The following SRBD1 variants were observed in gnomAD, a reference collection of about 807,000 sequenced individuals.
SRBD1 encodes the protein S1 RNA-binding domain-containing protein 1.
SRBD1 carries 88 observed loss-of-function variants against 115.3 expected under a neutral mutation model. That is an observed-to-expected ratio of 0.76 (90% CI 0.64 to 0.91). The LOEUF (loss-of-function observed/expected upper bound fraction) is 0.91, where lower values mean the gene tolerates loss of function less well. Ranked by LOEUF, SRBD1 falls within the 40% of genes least tolerant of loss-of-function variation. SRBD1 has a pLI of 0.00. For synonymous variants in SRBD1, 509 were observed against 407.7 expected, an observed-to-expected ratio of 1.25 and a Z score of -2.99; for missense variants, 1,385 against 1,177.4, an observed-to-expected ratio of 1.18 and a Z score of -2.58.
chr2:45,413,835 G>A (rs1667678091), intron 18 of SRBD1, among the ~76,000 whole-genome samples: 1 of 152,054 alleles, frequency 6.6e-6, no homozygotes, highest in Admixed American at 6.6e-5. Context: ...GGGAGGCTGA[G>A]GCAGGAGAAT....
chr2:45,410,875 C>T (rs1454081426), intron 19 of SRBD1, among the ~76,000 whole-genome samples: 1 of 152,146 alleles, frequency 6.6e-6, no homozygotes, highest in Admixed American at 6.5e-5. Flanking sequence ...GTAGAAGTTC[C>T]ATATCCTTTC....
intron 17 of SRBD1, among the ~76,000 whole-genome samples, 191 bp from the exon 18 acceptor site, chr2:45,418,732 G>C (rs753428917): frequency 6.7e-6 from 1 of 148,544 alleles, no homozygotes; most frequent in Non-Finnish European, 1.5e-5. Flanking sequence ...GAGGAAAGAA[G>C]GACAACAGAA....
At chr2:45,392,905 T>A in intron 20 of SRBD1, 40 bp downstream of exon 20, 1 of 1,547,062 alleles carries the variant, frequency 6.5e-7, no homozygotes, top group Non-Finnish European at 8.8e-7. Context: ...ATGGGAGCTA[T>A]GCAAATGCAA....
At chr2:45,578,008 G>A (rs1673231872) in intron 7 of SRBD1, among the ~76,000 whole-genome samples, 1 of 152,142 alleles carries the variant, frequency 6.6e-6, no homozygotes, top group African/African-American at 2.4e-5. Flanking sequence ...AGTGTCCATT[G>A]TCATATATTC....
At chr2:45,587,011 A>AATT (rs1457733094) in intron 4 of SRBD1, among the ~76,000 whole-genome samples, 1 of 112,396 alleles carries the variant, frequency 8.9e-6, no homozygotes, top group Non-Finnish European at 1.8e-5. Flanking sequence ...AATTATTTTA[A>AATT]ATTATAAATA....
At chr2:45,554,774 T>C (rs961808281) in intron 10 of SRBD1, among the ~76,000 whole-genome samples, 1 of 152,072 alleles carries the variant, frequency 6.6e-6, no homozygotes, top group African/African-American at 2.4e-5. Flanking sequence ...GTCAGCTCAC[T>C]CTCTGACCTG....
intron 14 of SRBD1, among the ~76,000 whole-genome samples, chr2:45,532,220 C>T (rs1671635346): frequency 6.6e-6 from 1 of 151,794 alleles, no homozygotes. Context: ...AAAACAACTG[C>T]TTTAAATTTC....
At chr2:45,517,406 T>TA (rs1671153118) in intron 14 of SRBD1, among the ~76,000 whole-genome samples, 1 of 152,144 alleles carries the variant, frequency 6.6e-6, no homozygotes, top group African/African-American at 2.4e-5. Context: ...CAAAGAAGAC[T>TA]AAAAAACAAG....
intron 14 of SRBD1, among the ~76,000 whole-genome samples, chr2:45,542,783 A>T (rs1671988346): frequency 6.6e-6 from 1 of 152,210 alleles, no homozygotes; most frequent in Non-Finnish European, 1.5e-5. Context: ...AGTAGCAAAA[A>T]ACTAGCAACA....
chr2:45,554,989 C>T (rs1672427786), intron 10 of SRBD1, among the ~76,000 whole-genome samples: 1 of 152,170 alleles, frequency 6.6e-6, no homozygotes, highest in Admixed American at 6.5e-5. Flanking sequence ...GAAGCTGACT[C>T]ACCAAACAGT....
chr2:45,585,337 A>C (rs867845346), intron 5 of SRBD1, among the ~76,000 whole-genome samples: 7 of 152,306 alleles, frequency 4.6e-5, no homozygotes, highest in African/African-American at 1.7e-4. Flanking sequence ...CATTATGCCC[A>C]ACCTTTTCTA....
At position 45,553,508 on chromosome 2, in the gene SRBD1, G is replaced by A. The variant is rs894864523; in HGVS notation, c.1517+115C>T. 6.0e-5 allele frequency: 35 copies of A among 582,898 alleles called. No homozygotes were observed. In the Admixed American group the frequency reaches 1.3e-3, roughly 21 times the overall value. 36.1% of individuals were successfully genotyped at this position (582,898 alleles called of 1,614,324 possible). ...CTTAACTTTAACACTTTGTGATGCT[G>A]ACTAAATTCTTTCGATTGGTTAATC... is the stretch of plus-strand genomic sequence containing the variant. On this transcript the variant is annotated intron_variant, in intron 11 of 20. Transcript: ENST00000263736.
chr2:45,463,663 A>T lies in SRBD1; in HGVS notation c.2049+13330T>A, dbSNP rs567143221. Among the ~76,000 whole-genome samples, 60 of 152,346 alleles carry T rather than the reference A, an allele frequency of 3.9e-4. 1 individual carries two copies. Among genetic ancestry groups the T allele is most frequent in the South Asian group, 1.7e-3 (8 of 4,832 alleles). On this transcript the variant is annotated intron_variant, in intron 16 of 20. Coordinates refer to ENST00000263736, the MANE Select transcript of SRBD1 (RefSeq NM_018079.5). Reference sequence around the variant, plus strand: ...TTCCATGAGTAAAGTTAAACATTACATCCAAGATTGTTAGTGTGCCAAATG... The same window carrying T: ...TTCCATGAGTAAAGTTAAACATTACTTCCAAGATTGTTAGTGTGCCAAATG...
intron 18 of SRBD1, among the ~76,000 whole-genome samples, chr2:45,413,771 TAA>T (rs753369724): frequency 6.6e-6 from 1 of 151,754 alleles, no homozygotes; most frequent in African/African-American, 2.4e-5. Context: ...GTACCAAAAA[TAA>T]AAAAATTAGC....
At chr2:45,441,739 C>T (rs1456522181) in intron 16 of SRBD1, among the ~76,000 whole-genome samples, 1 of 152,190 alleles carries the variant, frequency 6.6e-6, no homozygotes, top group East Asian at 1.9e-4. Context: ...ATACTGGTGA[C>T]GTGGCATTGC....
At chr2:45,592,902 C>T (rs1487206328) in intron 4 of SRBD1, among the ~76,000 whole-genome samples, 5 of 152,208 alleles carry the variant, frequency 3.3e-5, no homozygotes, top group Non-Finnish European at 5.9e-5. Context: ...GGTTTAATAA[C>T]GTGTGTTTGA....
At chr2:45,576,708 C>T (rs1429688886) in intron 7 of SRBD1, among the ~76,000 whole-genome samples, 2 of 152,174 alleles carry the variant, frequency 1.3e-5, no homozygotes, top group East Asian at 3.8e-4. Context: ...GAAAACCATT[C>T]ACAAGAACTA....
chr2:45,422,595 A>C (rs1668038534), intron 16 of SRBD1, among the ~76,000 whole-genome samples: 1 of 152,252 alleles, frequency 6.6e-6, no homozygotes, highest in South Asian at 2.1e-4. Context: ...TGTGAGAGGA[A>C]TACAACATAA....
intron 18 of SRBD1, among the ~76,000 whole-genome samples, chr2:45,418,153 T>C (rs1213670018): frequency 1.3e-5 from 2 of 152,214 alleles, no homozygotes; most frequent in African/African-American, 4.8e-5. Context: ...CTGTGTCACA[T>C]GTTAAAATAT....
Sources: allele counts gnomAD v4.1 joint callset (sites outside exome capture counted in the v4.1 genomes callset), GRCh38; gene constraint gnomAD v4.1.1; transcripts MANE v1.5; gene names NCBI Gene and HGNC (gene_info 2026-07-23, HGNC 2026-07-21).